Variants in DACH1 observed in about 807,000 individuals in gnomAD.
The protein encoded by DACH1 is dachshund homolog 1.
DACH1 carries 12 observed loss-of-function variants against 54.2 expected under a neutral mutation model. The ratio of observed to expected loss-of-function variants is 0.22; its 90% CI spans 0.14 to 0.36. DACH1 has a LOEUF of 0.36. Among genes scored for constraint, DACH1 ranks in the 10% least tolerant of loss-of-function variants. The pLI is 1.00. For synonymous variants in DACH1, 386 were observed against 366.2 expected (o/e 1.05, Z -0.62); for missense variants, 805 against 929.8 (o/e 0.87, Z 1.75).
intron 10 of DACH1, among the ~76,000 whole-genome samples, chr13:71,451,159 C>T (rs570136591): frequency 6.6e-6 from 1 of 152,204 alleles, no homozygotes; most frequent in Non-Finnish European, 1.5e-5. Context: ...GTGTTTTAGT[C>T]ACGAATGAGT....
At chr13:71,763,145 T>A (rs1175691073) in intron 1 of DACH1, among the ~76,000 whole-genome samples, 4 of 152,238 alleles carry the variant, frequency 2.6e-5, no homozygotes, top group Non-Finnish European at 5.9e-5. Context: ...CATTTTAACA[T>A]ATATTAACTC....
chr13:71,853,668 T>G (rs1312515225), intron 1 of DACH1, among the ~76,000 whole-genome samples: 1 of 152,192 alleles, frequency 6.6e-6, no homozygotes, highest in Non-Finnish European at 1.5e-5. Flanking sequence ...CTGCTTTGTA[T>G]GTTAATTAGT....
chr13:71,813,909 T>C (rs1887815846), intron 1 of DACH1, among the ~76,000 whole-genome samples: 1 of 152,074 alleles, frequency 6.6e-6, no homozygotes, highest in African/African-American at 2.4e-5. Flanking sequence ...GAAATGCCAA[T>C]TTGGGGGCAA....
intron 7 of DACH1, 98 bp downstream of exon 7, chr13:71,488,899 T>C: frequency 8.6e-7 from 1 of 1,158,938 alleles, no homozygotes; most frequent in Non-Finnish European, 1.2e-6. Flanking sequence ...TTTCAGTCAG[T>C]CTAATGGGAT....
chr13:71,739,252 CAATTCAAAAAAAAGAAAA>C (rs1329388730), intron 1 of DACH1, among the ~76,000 whole-genome samples: 1 of 150,266 alleles, frequency 6.7e-6, no homozygotes. Context: ...AACTATGTCT[CAATTCAAAAAAAAGAAAA>C]AAAGAAATTG....
intron 1 of DACH1, among the ~76,000 whole-genome samples, chr13:71,810,326 C>A (rs1323154154): frequency 6.6e-6 from 1 of 152,118 alleles, no homozygotes; most frequent in East Asian, 1.9e-4. Context: ...TCCTTACTAT[C>A]ACACTACACT....
intron 1 of DACH1, among the ~76,000 whole-genome samples, chr13:71,735,122 T>C (rs554877533): frequency 6.6e-6 from 1 of 151,388 alleles, no homozygotes; most frequent in South Asian, 2.1e-4. Context: ...ATATGGGTTA[T>C]ACATATATAT....
intron 3 of DACH1, among the ~76,000 whole-genome samples, chr13:71,621,485 C>T (rs187845984): frequency 3.3e-5 from 5 of 152,114 alleles, no homozygotes; most frequent in Admixed American, 2.0e-4. Flanking sequence ...CCAATCCATT[C>T]GCTATTAGGT....
At chr13:71,675,321 G>A in intron 2 of DACH1, 1 of 1,593,750 alleles carries the variant, frequency 6.3e-7, no homozygotes, top group East Asian at 2.2e-5. Context: ...TGCGCTTCCA[G>A]AGCGCAGCTA....
chr13:71,520,689 G>A (rs186371680), intron 6 of DACH1, among the ~76,000 whole-genome samples: 1 of 151,792 alleles, frequency 6.6e-6, no homozygotes, highest in East Asian at 1.9e-4. Flanking sequence ...TCATCCAAGG[G>A]AGATAGTTAG....
In DACH1 at chr13:71,712,558, T is replaced by TTG. The variant is rs1882769050; in HGVS notation, c.849-30649_849-30648insCA. ...AAATTTCTGCAAGTTTAGGTTGTAG[T>TTG]CTAAAGTTCAGGATTTTAAATTGGT... On this transcript the variant is annotated intron_variant, in intron 1 of 10. Coordinates refer to ENST00000613252, the MANE Select transcript of DACH1 (RefSeq NM_080759.6). 4.6e-5 allele frequency among the ~76,000 whole-genome samples: 7 copies of TTG among 152,282 alleles called. 1 individual carries two copies. Among genetic ancestry groups the TTG allele is most frequent in the African/African-American group, 1.7e-4 (7 of 41,574 alleles).
At chr13:71,640,733 T>G (rs1877833611) in intron 2 of DACH1, among the ~76,000 whole-genome samples, 2 of 152,124 alleles carry the variant, frequency 1.3e-5, no homozygotes, top group Non-Finnish European at 2.9e-5. Flanking sequence ...CTAAGTAGCA[T>G]GAGAGTGATT....
chr13:71,852,046 CTGGCCA>C (rs1217672300), intron 1 of DACH1, among the ~76,000 whole-genome samples: 28 of 152,182 alleles, frequency 1.8e-4, no homozygotes, highest in Non-Finnish European at 2.8e-4. Flanking sequence ...TGGAAGCTCT[CTGGCCA>C]ATAGGAATGG....
At chr13:71,843,961 T>A (rs1224022112) in intron 1 of DACH1, among the ~76,000 whole-genome samples, 1 of 152,134 alleles carries the variant, frequency 6.6e-6, no homozygotes, top group Non-Finnish European at 1.5e-5. Flanking sequence ...AGGGAAGTCA[T>A]AAATGCGAAG....
At chr13:71,779,371 T>C (rs912196699) in intron 1 of DACH1, among the ~76,000 whole-genome samples, 7 of 150,962 alleles carry the variant, frequency 4.6e-5, no homozygotes, top group Non-Finnish European at 7.4e-5. Flanking sequence ...TTTTGGATTT[T>C]AGAACAAAAC....
rs531886545 is a variant in DACH1, at chr13:71,601,919, T to C, written c.1126+28637A>G. Among the ~76,000 whole-genome samples the C allele has an allele frequency of 7.9e-5, 12 of 152,150 alleles. No individual in the cohort carries two copies. In the South Asian group the frequency reaches 2.1e-3, roughly 26 times the overall value. On this transcript the variant is annotated intron_variant, in intron 3 of 10. Transcript: ENST00000613252. ...GCAATATTCTTTTATGTAATTTGTG[T>C]AATGCTAAACAATGAGGCATGAGTG...
intron 1 of DACH1, among the ~76,000 whole-genome samples, chr13:71,757,626 C>T (rs1310368729): frequency 6.6e-6 from 1 of 150,836 alleles, no homozygotes; most frequent in African/African-American, 2.4e-5. Context: ...CAGGTTCAAG[C>T]GATGCTCCAG....
chr13:71,842,821 A>G (rs554603151), intron 1 of DACH1, among the ~76,000 whole-genome samples: 43 of 152,324 alleles, frequency 2.8e-4, no homozygotes, highest in Admixed American at 2.0e-3. Flanking sequence ...AAGGTTAACA[A>G]TAGGCTGAAA....
At chr13:71,865,854 G>A in intron 1 of DACH1, 68 bp downstream of exon 1, 2 of 1,430,976 alleles carry the variant, frequency 1.4e-6, no homozygotes, top group Non-Finnish European at 1.8e-6. Flanking sequence ...GCCGGGAAAG[G>A]AGCGAGGGCA....
Sources: gnomAD v4.1 joint callset for allele counts (sites outside exome capture counted in the v4.1 genomes callset) on GRCh38, gnomAD v4.1.1 for gene constraint, MANE v1.5 for transcripts, NCBI Gene and HGNC (gene_info 2026-07-23, HGNC 2026-07-21) for gene names.